Variants in MAF observed in about 807,000 individuals in gnomAD.
MAF encodes transcription factor Maf.
MAF carries 10 observed loss-of-function variants against 22.0 expected under a neutral mutation model. The ratio of observed to expected loss-of-function variants is 0.45; its 90% CI spans 0.28 to 0.77. The LOEUF (loss-of-function observed/expected upper bound fraction) is 0.77. MAF is among the 30% of genes least tolerant of loss of function. The pLI, the probability that MAF is intolerant of heterozygous loss-of-function variation, is 0.12. For synonymous variants in MAF, 337 were observed against 255.8 expected, an observed-to-expected ratio of 1.32 and a Z score of -3.03; for missense variants, 544 against 548.4, an observed-to-expected ratio of 0.99 and a Z score of 0.08.
the MAF span, among the ~76,000 whole-genome samples, chr16:79,551,856 T>A: frequency 6.6e-6 from 1 of 152,132 alleles, no homozygotes; most frequent in African/African-American, 2.4e-5. Context: ...AGAGACAGTA[T>A]AGCCTGAAAA....
the MAF span, among the ~76,000 whole-genome samples, chr16:79,422,334 A>G: frequency 6.6e-6 from 1 of 152,196 alleles, no homozygotes; most frequent in Non-Finnish European, 1.5e-5. Flanking sequence ...TGCACGGGCC[A>G]GAGGTTTTCT....
At chr16:79,222,038 T>G in the MAF span, among the ~76,000 whole-genome samples, 1 of 152,080 alleles carries the variant, frequency 6.6e-6, no homozygotes, top group African/African-American at 2.4e-5. Context: ...TGTCTAACAG[T>G]TGGGGCGAAG....
the MAF span, among the ~76,000 whole-genome samples, chr16:79,481,451 C>A: frequency 7.7e-4 from 117 of 152,154 alleles, no homozygotes; most frequent in Non-Finnish European, 1.5e-3. Flanking sequence ...CACTACTCAT[C>A]TACTTCCCGT....
chr16:79,450,712 C>T, the MAF span, among the ~76,000 whole-genome samples: 5 of 151,988 alleles, frequency 3.3e-5, no homozygotes, highest in African/African-American at 1.2e-4. Context: ...TGACTGACAA[C>T]TCGGATGGAG....
At chr16:79,555,849 G>A in the MAF span, among the ~76,000 whole-genome samples, 2 of 152,148 alleles carry the variant, frequency 1.3e-5, no homozygotes, top group Non-Finnish European at 2.9e-5. Flanking sequence ...AGATAACTTT[G>A]AGGGTCTCAA....
At chr16:79,224,009 A>T in the MAF span, among the ~76,000 whole-genome samples, 1 of 152,214 alleles carries the variant, frequency 6.6e-6, no homozygotes. Context: ...AACTCATTTT[A>T]TGAGGCCAGC....
chr16:79,296,372 G>T, the MAF span, among the ~76,000 whole-genome samples: 2 of 152,114 alleles, frequency 1.3e-5, no homozygotes, highest in African/African-American at 2.4e-5. Flanking sequence ...CCTGTCGGGG[G>T]GCAGGGTGTA....
chr16:79,548,252 G>A, the MAF span, among the ~76,000 whole-genome samples: 5 of 152,008 alleles, frequency 3.3e-5, no homozygotes, highest in Non-Finnish European at 5.9e-5. Context: ...TTCTAAGTAC[G>A]GATGTTTAAA....
the MAF span, among the ~76,000 whole-genome samples, chr16:79,402,658 G>A: frequency 3.9e-3 from 597 of 152,338 alleles, 6 homozygotes; most frequent in African/African-American, 0.014. Context: ...CCAGGGGTGC[G>A]GTTGGATAAA....
chr16:79,437,519 C>T, the MAF span, among the ~76,000 whole-genome samples: 1 of 152,024 alleles, frequency 6.6e-6, no homozygotes, highest in African/African-American at 2.4e-5. Flanking sequence ...GTGAGGGAGA[C>T]AAAGGTGGTT....
the MAF span, among the ~76,000 whole-genome samples, chr16:79,273,067 T>C: frequency 6.6e-6 from 1 of 152,222 alleles, no homozygotes; most frequent in Non-Finnish European, 1.5e-5. Flanking sequence ...GTGGGAAAAT[T>C]CACCAAAGTT....
chr16:79,415,360 C>CAGGA, the MAF span, among the ~76,000 whole-genome samples: 6 of 149,314 alleles, frequency 4.0e-5, no homozygotes, highest in East Asian at 1.2e-3. Flanking sequence ...GGCAGGCAGG[C>CAGGA]AAGAAGGAGG....
chr16:79,532,373 A>C, the MAF span, among the ~76,000 whole-genome samples: 1 of 152,258 alleles, frequency 6.6e-6, no homozygotes. Flanking sequence ...CTAGAGAAGC[A>C]GCTTAGATGA....
chr16:79,555,930 G>T, the MAF span, among the ~76,000 whole-genome samples: 4,565 of 152,236 alleles, frequency 0.03, 94 homozygotes, highest in African/African-American at 0.06. Flanking sequence ...GTAGATAACT[G>T]CAAGGGCATA....
the MAF span, among the ~76,000 whole-genome samples, chr16:79,413,376 T>A: frequency 6.8e-6 from 1 of 146,740 alleles, no homozygotes; most frequent in African/African-American, 2.5e-5. Flanking sequence ...TCCGAGTAGC[T>A]GGGACTACAG....
chr16:79,402,412 C>T, the MAF span, among the ~76,000 whole-genome samples: 442 of 152,214 alleles, frequency 2.9e-3, 11 homozygotes, highest in South Asian at 0.023. Flanking sequence ...AGAGTTCAGG[C>T]CCACACCTAG....
chr16:79,583,183 A>G (rs1912630737), downstream of MAF, among the ~76,000 whole-genome samples: 1 of 152,212 alleles, frequency 6.6e-6, no homozygotes, highest in Non-Finnish European at 1.5e-5. Flanking sequence ...ACAGAAGGAC[A>G]GGCGTGCAAG....
At chr16:79,230,392 C>A in the MAF span, among the ~76,000 whole-genome samples, 1 of 152,120 alleles carries the variant, frequency 6.6e-6, no homozygotes. Flanking sequence ...AGTCACCATC[C>A]GCCTTGAAGG....
the MAF span, among the ~76,000 whole-genome samples, chr16:79,544,557 A>C: frequency 1.3e-5 from 2 of 152,042 alleles, no homozygotes; most frequent in Non-Finnish European, 2.9e-5. Context: ...GGTGGATCAC[A>C]AGGTCAGGAG....
Sources: allele counts gnomAD v4.1 joint callset (sites outside exome capture counted in the v4.1 genomes callset), GRCh38; gene constraint gnomAD v4.1.1; transcripts MANE v1.5; gene names NCBI Gene and HGNC (gene_info 2026-07-23, HGNC 2026-07-21).